ADGRL3: variants seen among roughly 807,000 people sequenced by gnomAD.
ADGRL3 encodes the protein adhesion G protein-coupled receptor L3.
In ADGRL3, 62 loss-of-function variants were observed where a neutral mutation model predicts 153.5. That is an observed-to-expected ratio of 0.40 (90% CI 0.33 to 0.50). ADGRL3 has a LOEUF of 0.50. Ranked by LOEUF, ADGRL3 falls within the 20% of genes least tolerant of loss-of-function variation. The pLI is 0.47. For synonymous variants in ADGRL3, 710 were observed against 672.5 expected, an observed-to-expected ratio of 1.06 and a Z score of -0.86; for missense variants, 1,641 against 1,859.4, an observed-to-expected ratio of 0.88 and a Z score of 2.16.
At chr4:62,013,868 C>G (rs577947857) in intron 21 of ADGRL3, among the ~76,000 whole-genome samples, 1 of 151,168 alleles carries the variant, frequency 6.6e-6, no homozygotes, top group Admixed American at 6.6e-5. Context: ...AGCCTGGTGA[C>G]AGAGTGAGAT....
intron 19 of ADGRL3, among the ~76,000 whole-genome samples, chr4:61,990,157 T>C (rs900970829): frequency 5.3e-5 from 8 of 152,068 alleles, no homozygotes; most frequent in African/African-American, 1.9e-4. Context: ...CATCAACTGA[T>C]GAAAAGGTAA....
At chr4:61,773,074 A>G (rs2097104740) in intron 8 of ADGRL3, among the ~76,000 whole-genome samples, 1 of 152,194 alleles carries the variant, frequency 6.6e-6, no homozygotes. Context: ...AAAATAGCAT[A>G]AAAGTCGATC....
chr4:61,978,397 A>G (rs559666706), intron 17 of ADGRL3, among the ~76,000 whole-genome samples: 11 of 151,908 alleles, frequency 7.2e-5, no homozygotes, highest in Non-Finnish European at 1.6e-4. Flanking sequence ...AATATAGTAC[A>G]CTGATTTTCT....
intron 2 of ADGRL3, chr4:61,427,111 A>T (rs556379896): frequency 7.9e-6 from 1 of 126,610 alleles, no homozygotes; most frequent in East Asian, 2.0e-4. Context: ...CAGAGAGCCG[A>T]AAGCACTCAG....
chr4:62,028,548 G>A (rs1281542901), intron 21 of ADGRL3, among the ~76,000 whole-genome samples: 1 of 151,678 alleles, frequency 6.6e-6, no homozygotes, highest in Non-Finnish European at 1.5e-5. Context: ...TTATTCTCTA[G>A]AGAAATGTGA....
intron 23 of ADGRL3, among the ~76,000 whole-genome samples, chr4:62,031,958 CACACACA>C (rs1722301022): frequency 3.0e-5 from 1 of 33,664 alleles, no homozygotes; most frequent in South Asian, 1.3e-3. Context: ...ATGAGTTATA[CACACACA>C]CACACACACA....
intron 2 of ADGRL3, among the ~76,000 whole-genome samples, chr4:61,388,847 G>T (rs77082869): frequency 6.6e-6 from 1 of 152,010 alleles, no homozygotes; most frequent in Non-Finnish European, 1.5e-5. Context: ...TAGACTTCAG[G>T]TATTCTCTTC....
At chr4:62,034,192 A>G (rs1373199633) in intron 23 of ADGRL3, among the ~76,000 whole-genome samples, 3 of 151,936 alleles carry the variant, frequency 2.0e-5, no homozygotes, top group Admixed American at 6.6e-5. Context: ...TCATGAGCCA[A>G]ATTCATCCAG....
chr4:61,411,410 T>A (rs2097086019), intron 2 of ADGRL3, among the ~76,000 whole-genome samples: 1 of 152,214 alleles, frequency 6.6e-6, no homozygotes, highest in South Asian at 2.1e-4. Flanking sequence ...TTTCAGTGCA[T>A]CATATCAGGA....
chr4:61,368,744 A>C (rs2096460267), intron 1 of ADGRL3, among the ~76,000 whole-genome samples: 1 of 152,086 alleles, frequency 6.6e-6, no homozygotes, highest in Non-Finnish European at 1.5e-5. Flanking sequence ...ACTTTAAAGT[A>C]GTTTTTTCCA....
chr4:62,070,082 G>A, intron 26 of ADGRL3, 27 bp from the exon 27 acceptor site: 2 of 1,581,068 alleles, frequency 1.3e-6, no homozygotes, highest in Non-Finnish European at 1.7e-6. Context: ...GGATATAAAT[G>A]TCATAGTATC....
chr4:61,331,384 C>T (rs1418771029), intron 1 of ADGRL3, among the ~76,000 whole-genome samples: 1 of 152,104 alleles, frequency 6.6e-6, no homozygotes, highest in African/African-American at 2.4e-5. Context: ...ATATTTTTCA[C>T]TTTGACCTAT....
At chr4:61,725,609 A>C (rs925980364) in intron 6 of ADGRL3, among the ~76,000 whole-genome samples, 2 of 47,866 alleles carry the variant, frequency 4.2e-5, no homozygotes, top group African/African-American at 7.9e-5. Context: ...AAAAAAAACC[A>C]AAAAAAAACA....
At chr4:61,936,453 A>T (rs1448585367) in intron 15 of ADGRL3, among the ~76,000 whole-genome samples, 1 of 152,022 alleles carries the variant, frequency 6.6e-6, no homozygotes, top group African/African-American at 2.4e-5. Context: ...TCTTTTTGAG[A>T]GTGTTTTTGT....
At position 61,947,311 on chromosome 4, in the gene ADGRL3, T is replaced by C. The variant is rs115819722; in HGVS notation, c.2628+189T>C. 9.9e-3 allele frequency among the ~76,000 whole-genome samples: 1,509 copies of C among 152,262 alleles called. 21 individuals are homozygous for C. The highest frequency in any genetic ancestry group is 0.034 in the African/African-American group (1,410 of 41,540). On this transcript the variant is annotated intron_variant, in intron 16 of 26. Transcript: ENST00000683033. The stretch of plus-strand genomic sequence containing the variant: ...AGGAGGAGAATAATCCTTATATATG[T>C]AAATACTTATGGTGAAAGCATTCAT...
At chr4:61,414,709 G>T (rs1348690405) in intron 2 of ADGRL3, among the ~76,000 whole-genome samples, 3 of 151,710 alleles carry the variant, frequency 2.0e-5, no homozygotes, top group Admixed American at 1.3e-4. Flanking sequence ...AATCAAAGAG[G>T]TATATTTCTG....
chr4:61,459,649 C>T (rs556633538), intron 2 of ADGRL3, among the ~76,000 whole-genome samples: 3 of 152,176 alleles, frequency 2.0e-5, no homozygotes, highest in African/African-American at 7.2e-5. Flanking sequence ...TCTATAATGA[C>T]TGTAATAATT....
chr4:61,974,448 A>C (rs1342997800), intron 17 of ADGRL3, among the ~76,000 whole-genome samples: 1 of 152,124 alleles, frequency 6.6e-6, no homozygotes, highest in African/African-American at 2.4e-5. Context: ...GATCCTCTCT[A>C]TATCATTTAT....
intron 1 of ADGRL3, among the ~76,000 whole-genome samples, chr4:61,211,232 G>C (rs796561809): frequency 1.9e-4 from 29 of 152,274 alleles, no homozygotes; most frequent in African/African-American, 6.7e-4. Flanking sequence ...CTCACCTAAA[G>C]ATTCTTGGGA....
Sources: gnomAD v4.1 joint callset for allele counts (sites outside exome capture counted in the v4.1 genomes callset) on GRCh38, gnomAD v4.1.1 for gene constraint, MANE v1.5 for transcripts, NCBI Gene and HGNC (gene_info 2026-07-23, HGNC 2026-07-21) for gene names.